Variants in FREM2 observed in about 807,000 individuals in gnomAD.
FREM2 encodes FRAS1-related extracellular matrix protein 2.
A neutral mutation model predicts 219.9 loss-of-function variants in FREM2; 119 were observed. The observed-to-expected ratio is 0.54, with a 90% CI of 0.47 to 0.63. FREM2 has a LOEUF of 0.63. FREM2 is among the 30% of genes least tolerant of loss of function. The pLI is 0.00. For missense variants in FREM2, 4,030 were observed against 3,993.6 expected, an observed-to-expected ratio of 1.01 and a Z score of -0.25; for synonymous variants, 1,562 against 1,522.8, an observed-to-expected ratio of 1.03 and a Z score of -0.60.
intron 1 of FREM2, among the ~76,000 whole-genome samples, chr13:38,697,216 A>T (rs545497335): frequency 1.3e-5 from 2 of 152,316 alleles, no homozygotes; most frequent in East Asian, 3.9e-4. Context: ...TGGAGAGCTT[A>T]AAAAATAGCC....
At chr13:38,838,492 T>C (rs1455126473) in intron 6 of FREM2, among the ~76,000 whole-genome samples, 3 of 152,208 alleles carry the variant, frequency 2.0e-5, no homozygotes, top group African/African-American at 4.8e-5. Context: ...ATTTCCTGAA[T>C]TTGAATGTTG....
intron 6 of FREM2, among the ~76,000 whole-genome samples, chr13:38,828,306 T>C (rs1389097774): frequency 6.6e-6 from 1 of 152,152 alleles, no homozygotes; most frequent in Non-Finnish European, 1.5e-5. Flanking sequence ...CAGAAATATA[T>C]ATAAAGTGCT....
rs1307232071 is a variant in FREM2, at chr13:38,692,270, A to G, written c.4926A>G (p.Gln1642=). 6.2e-7 allele frequency: 1 copy of G among 1,613,830 alleles called. No homozygotes were observed. The highest frequency in any genetic ancestry group is 8.5e-7 in the Non-Finnish European group (1 of 1,179,904). ...CGGTGTTTGAAACAAGGAGACCCCA[A>G]GTGATGAAGATCCAGGTCTTGGCTG... is the stretch of plus-strand genomic sequence containing the variant. The part of the protein sequence containing the change: ...PDTVFETRRP[Q]VMKIQVLAVD... The change falls in exon 1 of 24, where the codon CAA becomes CAG. Residue 1642 remains glutamine, a synonymous_variant. Coordinates refer to ENST00000280481, the MANE Select transcript of FREM2 (RefSeq NM_207361.6).
chr13:38,731,478 A>G (rs917955800), intron 2 of FREM2, among the ~76,000 whole-genome samples: 7 of 152,184 alleles, frequency 4.6e-5, no homozygotes, highest in African/African-American at 1.7e-4. Flanking sequence ...ATTAGGTAAC[A>G]ATATACTTTA....
At chr13:38,754,886 G>GATTATTATTATT (rs1491523407) in intron 2 of FREM2, among the ~76,000 whole-genome samples, 37 of 82,884 alleles carry the variant, frequency 4.5e-4, no homozygotes, top group East Asian at 2.2e-3. Flanking sequence ...TGATGATGAT[G>GATTATTATTATT]ATGATGATGA....
Position 38,690,763 on chromosome 13 carries a change from A to G in FREM2, c.3419A>G (p.Asp1140Gly), listed in dbSNP as rs781204652. 2 of 1,614,182 alleles carry G rather than the reference A, an allele frequency of 1.2e-6. No individual in the cohort carries two copies. The highest frequency in any genetic ancestry group is 1.7e-6 in the Non-Finnish European group (2 of 1,180,026). ...GCCATAAGTGCTTTCAACTTGAAAG[A>G]TCTCAGGCAGGGCCACATAAACTAT... ...GIAISAFNLK[D>G]LRQGHINYVQ... The change falls in exon 1 of 24, where the codon GAT becomes GGT. Residue 1140 changes from aspartate (D) to glycine (G), a missense_variant. Asp to Gly is a moderately conservative substitution (Grantham distance 94). This residue lies in a region of FREM2 where 3,102 missense variants were observed against 2,950.7 expected (regional missense o/e 1.05). Coordinates refer to ENST00000280481, the MANE Select transcript of FREM2 (RefSeq NM_207361.6).
In FREM2 at chr13:38,872,149, A is replaced by C. The variant is rs998287025; in HGVS notation, c.7984-593A>C. Among the ~76,000 whole-genome samples the C allele has an allele frequency of 3.3e-5, 5 of 152,192 alleles. No homozygotes were observed. The South Asian group carries it at 1.0e-3, about 31-fold the overall frequency. On this transcript the variant is annotated intron_variant, in intron 16 of 23. Coordinates refer to ENST00000280481, the MANE Select transcript of FREM2 (RefSeq NM_207361.6). ...GAATTAAGTATTGAAACGTGCTCAA[A>C]CATGGATGCACCTTGAAAACATTAT...
intron 4 of FREM2, among the ~76,000 whole-genome samples, chr13:38,772,584 C>A (rs985648159): frequency 6.6e-6 from 1 of 152,072 alleles, no homozygotes; most frequent in Non-Finnish European, 1.5e-5. Flanking sequence ...GACATATGAA[C>A]CATTTTAGGC....
chr13:38,689,910 G>C lies in FREM2; in HGVS notation c.2566G>C (p.Asp856His), dbSNP rs1869735492. The change falls in exon 1 of 24, where the codon GAT becomes CAT. Residue 856 changes from aspartate (D) to histidine (H), a missense_variant. Asp to His is a moderately conservative substitution (Grantham distance 81). This residue lies in a region of FREM2 where 3,102 missense variants were observed against 2,950.7 expected (regional missense o/e 1.05). Transcript: ENST00000280481. ...ILSETELHVN[D>H]VDTDVAHISF... ...GAGTGAGACAGAGTTGCACGTGAAT[G>C]ATGTAGACACTGATGTTGCCCATAT... 1.2e-6 allele frequency: 2 copies of C among 1,614,174 alleles called. No homozygotes were observed. Among genetic ancestry groups the C allele is most frequent in the East Asian group, 4.5e-5 (2 of 44,878 alleles).
In FREM2 at chr13:38,880,216, G is replaced by A. The variant is rs1409988870; in HGVS notation, c.9007-68G>A. The A allele has an allele frequency of 7.5e-6, 11 of 1,472,148 alleles. No homozygotes were observed. In the East Asian group the frequency reaches 2.0e-4, roughly 27 times the overall value. 91.2% of individuals were successfully genotyped at this position (1,472,148 alleles called of 1,614,324 possible). On this transcript the variant is annotated intron_variant, in intron 23 of 23. Transcript: ENST00000280481. Reference sequence around the variant, plus strand: ...AATATCTCTGCCATTAATTTCTCTTGCAAAGAGTCGTGGATTAGATTGACA... The same window carrying A: ...AATATCTCTGCCATTAATTTCTCTTACAAAGAGTCGTGGATTAGATTGACA...
rs371539363 is a variant in FREM2 at position 38,832,071 on chromosome 13, C to T, written c.6020-14502C>T. On this transcript the variant is annotated intron_variant, in intron 6 of 23. Coordinates refer to ENST00000280481, the MANE Select transcript of FREM2 (RefSeq NM_207361.6). ...GGCTCACGCCTGTAATCCTACCTGT[C>T]TTGGAGGCCAAGGCAGGTGGATCAC... is the stretch of plus-strand genomic sequence containing the variant. Among the ~76,000 whole-genome samples, 110 of 152,074 alleles carry T rather than the reference C, an allele frequency of 7.2e-4. No individual in the cohort carries two copies. In the South Asian group the frequency reaches 0.019, roughly 26 times the overall value.
chr13:38,863,557 C>CA (rs58585772), intron 15 of FREM2, among the ~76,000 whole-genome samples: 152,075 of 152,154 alleles, frequency 1, 75,998 homozygotes, highest in Middle Eastern at 1. Context: ...TGTTATAAAA[C>CA]AAAAAAATGA....
chr13:38,783,177 G>A lies in FREM2; in HGVS notation c.5749G>A (p.Val1917Ile), dbSNP rs776029112. 14 of 1,613,888 alleles carry A rather than the reference G, an allele frequency of 8.7e-6. No individual in the cohort carries two copies. Among genetic ancestry groups the A allele is most frequent in the African/African-American group, 8.0e-5 (6 of 74,876 alleles). Residue 1917 changes from valine to isoleucine, a missense_variant, in exon 5 of 24, where the codon GTC (valine) becomes ATC (isoleucine). By Grantham distance (29) the Val-to-Ile change is conservative. Around this residue, in one of 2 missense-constraint regions of FREM2, gnomAD observed 3,102 missense variants for 2,950.7 expected, o/e 1.05. Coordinates refer to ENST00000280481, the MANE Select transcript of FREM2 (RefSeq NM_207361.6). ...SGDVSQELMVVCYTQQGTATG... is the reference protein window; with the variant it reads ...SGDVSQELMVICYTQQGTATG... ...AGATGTGAGCCAGGAGTTGATGGTG[G>A]TCTGTTATACCCAACAAGGTAGCTC...
intron 6 of FREM2, among the ~76,000 whole-genome samples, chr13:38,790,072 T>C (rs1050788636): frequency 6.6e-6 from 1 of 152,178 alleles, no homozygotes; most frequent in African/African-American, 2.4e-5. Context: ...TGTTATGTTT[T>C]CTTTTTTAAT....
intron 8 of FREM2, 117 bp downstream of exon 8, chr13:38,848,787 A>G: frequency 1.1e-6 from 1 of 928,038 alleles, no homozygotes; most frequent in Non-Finnish European, 1.6e-6. Flanking sequence ...GGGCTTCCAT[A>G]ACAAAGTAGC....
chr13:38,874,457 A>G, intron 17 of FREM2, 25 bp from the exon 18 acceptor site: 4 of 1,581,670 alleles, frequency 2.5e-6, no homozygotes, highest in Non-Finnish European at 3.5e-6. Context: ...ATATATTTTC[A>G]TTCTTGGTAC....
chr13:38,709,731 G>C (rs946638026), intron 2 of FREM2, among the ~76,000 whole-genome samples: 2 of 151,888 alleles, frequency 1.3e-5, no homozygotes, highest in Non-Finnish European at 2.9e-5. Context: ...CAAGCTGAAG[G>C]GTACTCTCCT....
chr13:38,808,811 A>G (rs1353169785), intron 6 of FREM2, among the ~76,000 whole-genome samples: 2 of 151,936 alleles, frequency 1.3e-5, no homozygotes, highest in African/African-American at 4.8e-5. Flanking sequence ...CAGAGAAACA[A>G]AGTGAGAGCA....
chr13:38,757,659 A>T (rs1303403297), intron 2 of FREM2, among the ~76,000 whole-genome samples: 1 of 149,908 alleles, frequency 6.7e-6, no homozygotes, highest in Non-Finnish European at 1.5e-5. Flanking sequence ...CAGTGGTGTG[A>T]TCTTGGCTCA....
Sources: gnomAD v4.1 joint callset for allele counts (sites outside exome capture counted in the v4.1 genomes callset) on GRCh38, gnomAD v4.1.1 for gene constraint, gnomAD v4.1.1 regional missense constraint, MANE v1.5 for transcripts, NCBI Gene and HGNC (gene_info 2026-07-23, HGNC 2026-07-21) for gene names.